NAALAD2: variants seen among roughly 807,000 people sequenced by gnomAD.
The protein encoded by NAALAD2 is N-acetylated alpha-linked acidic dipeptidase 2.
Under a neutral mutation model 95.6 loss-of-function variants are expected in NAALAD2, and 89 were observed. That is an observed-to-expected ratio of 0.93 (90% CI 0.78 to 1.11). NAALAD2 has a LOEUF of 1.11. Among genes scored for constraint, NAALAD2 ranks in the 50% least tolerant of loss-of-function variants. NAALAD2 has a pLI of 0.00. For synonymous variants in NAALAD2, 264 were observed against 294.4 expected (o/e 0.90, Z 1.06); for missense variants, 894 against 872.4 (o/e 1.02, Z -0.31).
chr11:90,139,656 T>C (rs1161165459), intron 2 of NAALAD2, among the ~76,000 whole-genome samples: 2 of 152,188 alleles, frequency 1.3e-5, no homozygotes, highest in African/African-American at 4.8e-5. Flanking sequence ...TTTACCTTCC[T>C]TTTGCTTTAA....
At chr11:90,155,469 T>C (rs1260063087) in intron 6 of NAALAD2, among the ~76,000 whole-genome samples, 2 of 108,664 alleles carry the variant, frequency 1.8e-5, no homozygotes, top group African/African-American at 3.7e-5. Context: ...TAATATTACA[T>C]ATACATGTAT....
intron 18 of NAALAD2, among the ~76,000 whole-genome samples, chr11:90,185,056 G>T (rs1447116523): frequency 6.6e-6 from 1 of 151,960 alleles, no homozygotes; most frequent in African/African-American, 2.4e-5. Flanking sequence ...TTATATAAGG[G>T]AGTTGAGCAT....
chr11:90,133,622 A>G (rs7110033), upstream of NAALAD2, among the ~76,000 whole-genome samples: 68,204 of 151,936 alleles, frequency 0.45, 16,293 homozygotes, highest in African/African-American at 0.61. Context: ...AAGGAAGATG[A>G]GAATGTGTGT....
chr11:90,151,706 G>C (rs1951892060), intron 5 of NAALAD2, among the ~76,000 whole-genome samples: 1 of 152,098 alleles, frequency 6.6e-6, no homozygotes, highest in African/African-American at 2.4e-5. Flanking sequence ...AATACTTTTG[G>C]TGAAGAAGAA....
At chr11:90,180,233 C>T (rs1019139615) in intron 16 of NAALAD2, among the ~76,000 whole-genome samples, 5 of 152,076 alleles carry the variant, frequency 3.3e-5, no homozygotes, top group East Asian at 1.9e-4. Flanking sequence ...TCCCAGGACA[C>T]GTTTCAGTTA....
At chr11:90,177,586 G>GGT (rs1952832778) in intron 15 of NAALAD2, among the ~76,000 whole-genome samples, 1 of 28,464 alleles carries the variant, frequency 3.5e-5, no homozygotes, top group Admixed American at 5.3e-4. Flanking sequence ...TCTTTTTCTT[G>GGT]TTTTTTTTTT....
chr11:90,183,592 A>G (rs972431190), intron 18 of NAALAD2, among the ~76,000 whole-genome samples: 2 of 152,136 alleles, frequency 1.3e-5, no homozygotes, highest in African/African-American at 4.8e-5. Flanking sequence ...TTTCGGCGTT[A>G]TGATGGTGCA....
intron 16 of NAALAD2, among the ~76,000 whole-genome samples, chr11:90,180,714 A>C (rs1365188634): frequency 1.3e-5 from 2 of 152,050 alleles, no homozygotes; most frequent in Non-Finnish European, 2.9e-5. Context: ...GGAAAATAAT[A>C]AATTGTTGTA....
At chr11:90,173,471 T>G (rs1952700626) in intron 13 of NAALAD2, among the ~76,000 whole-genome samples, 1 of 152,174 alleles carries the variant, frequency 6.6e-6, no homozygotes, top group Admixed American at 6.5e-5. Context: ...TTTTCTCCAG[T>G]GTCTTCCCAC....
At chr11:90,135,088 C>A in intron 1 of NAALAD2, 1 of 492,582 alleles carries the variant, frequency 2.0e-6, no homozygotes, top group East Asian at 3.5e-5. Flanking sequence ...TAAAGACAAC[C>A]TACAGCTGTC....
At chr11:90,133,369 T>C (rs556320386), upstream of NAALAD2, among the ~76,000 whole-genome samples, 16 of 152,306 alleles carry the variant, frequency 1.1e-4, 1 homozygote, top group Middle Eastern at 3.4e-3. Flanking sequence ...AGAGAAATGC[T>C]TCATGAATGT....
chr11:90,135,613 G>C lies in NAALAD2; in HGVS notation c.137G>C (p.Ser46Thr). 3 of 1,613,550 alleles carry C rather than the reference G, an allele frequency of 1.9e-6. No individual in the cohort carries two copies. The highest frequency in any genetic ancestry group is 2.5e-6 in the Non-Finnish European group (3 of 1,179,740). ...ACCACTTCTGTGCGCTATCATCAAA[G>C]TATACGGTGGAAACTGGTATCCGAA... The part of the protein sequence containing the change: ...ETTTSVRYHQ[S>T]IRWKLVSEMK... The change falls in exon 2 of 19, where the codon AGT (serine) becomes ACT (threonine). Residue 46 changes from serine (S) to threonine (T), a missense_variant. Physicochemically the swap from Ser to Thr is moderately conservative, Grantham distance 58. Coordinates refer to ENST00000534061, the MANE Select transcript of NAALAD2 (RefSeq NM_005467.4).
At chr11:90,183,085 A>G (rs1857016211) in intron 18 of NAALAD2, 77 bp downstream of exon 18, 4 of 1,013,210 alleles carry the variant, frequency 3.9e-6, no homozygotes, top group Non-Finnish European at 4.7e-6. Context: ...AACTAATGCC[A>G]TTAGATGGGT....
chr11:90,134,570 G>A (rs1019558910), upstream of NAALAD2: 1 of 585,734 alleles, frequency 1.7e-6, no homozygotes, highest in African/African-American at 1.9e-5. Flanking sequence ...CCTCTGCAGG[G>A]CTTCCTTTCC....
intron 2 of NAALAD2, among the ~76,000 whole-genome samples, chr11:90,138,537 A>AC (rs1387759129): frequency 6.6e-6 from 1 of 152,028 alleles, no homozygotes; most frequent in Non-Finnish European, 1.5e-5. Context: ...AATAATGGAA[A>AC]CCCTTCTGCC....
intron 3 of NAALAD2, among the ~76,000 whole-genome samples, chr11:90,148,059 G>T (rs1951791385): frequency 6.6e-6 from 1 of 152,170 alleles, no homozygotes; most frequent in African/African-American, 2.4e-5. Context: ...ACAGATCATA[G>T]AAGGGCGTGT....
In NAALAD2 at chr11:90,192,036, T is replaced by C; in HGVS notation, c.*289T>C. ...CATGAATTCTCAGACATTGTGAGTG[T>C]GGGAATGTAAAATGGTAAAATCACT... is the stretch of plus-strand genomic sequence containing the variant. On this transcript the variant is annotated 3_prime_UTR_variant, in exon 19 of 19. Transcript: ENST00000534061. 5.2e-6 allele frequency: 1 copy of C among 193,436 alleles called. No individual in the cohort carries two copies. The highest frequency in any genetic ancestry group is 1.0e-5 in the Non-Finnish European group (1 of 95,696). The allele number at this position is 193,436 out of a possible 1,614,324, so 12.0% of individuals were successfully genotyped here.
intron 4 of NAALAD2, among the ~76,000 whole-genome samples, 184 bp from the exon 5 acceptor site, chr11:90,150,298 A>C (rs1951852639): frequency 6.6e-6 from 1 of 151,930 alleles, no homozygotes; most frequent in Non-Finnish European, 1.5e-5. Context: ...GTCGTTTTTT[A>C]AACTTTTCAG....
rs1952710437 is a variant in NAALAD2, at chr11:90,173,862, G to C, written c.1449G>C (p.Leu483=). ...ATGATGGGTTTGAGAGTAAATCACTGTATGAAAGCTGGTTGGAAAAAGACC... is the reference window on the plus strand; with the variant it reads ...ATGATGGGTTTGAGAGTAAATCACTCTATGAAAGCTGGTTGGAAAAAGACC... ...SPDDGFESKS[L]YESWLEKDPS... Residue 483 remains leucine (L), a synonymous_variant, in exon 14 of 19, where the codon CTG becomes CTC. Coordinates refer to ENST00000534061, the MANE Select transcript of NAALAD2 (RefSeq NM_005467.4). The C allele has an allele frequency of 1.2e-6, 2 of 1,612,942 alleles. No individual in the cohort carries two copies. Among genetic ancestry groups the C allele is most frequent in the African/African-American group, 1.3e-5 (1 of 74,748 alleles).
Sources: allele counts gnomAD v4.1 joint callset (sites outside exome capture counted in the v4.1 genomes callset), GRCh38; gene constraint gnomAD v4.1.1; transcripts MANE v1.5; gene names NCBI Gene and HGNC (gene_info 2026-07-23, HGNC 2026-07-21).